The following KCNIP2 variants were observed in gnomAD, a reference collection of about 807,000 sequenced individuals.
KCNIP2 encodes the protein A-type potassium channel modulatory protein KCNIP2.
KCNIP2 carries 19 observed loss-of-function variants against 39.0 expected under a neutral mutation model. The ratio of observed to expected loss-of-function variants is 0.49; its 90% confidence interval spans 0.34 to 0.71. The LOEUF is 0.71. KCNIP2 is among the 30% of genes least tolerant of loss of function. The probability of loss-of-function intolerance (pLI) is 0.01; values close to 1 mark genes in which losing one functional copy is unlikely to be tolerated. For missense variants in KCNIP2, 261 were observed against 346.0 expected (o/e 0.75, Z 1.95); for synonymous variants, 111 against 131.2 (o/e 0.85, Z 1.05).
At chr10:101,841,378 A>C (rs2066334845) in intron 1 of KCNIP2, among the ~76,000 whole-genome samples, 2 of 152,192 alleles carry the variant, frequency 1.3e-5, no homozygotes, top group South Asian at 4.1e-4. Context: ...GGCATCTCTC[A>C]GCGCTCAGAG....
intron 1 of KCNIP2, chr10:101,839,995 C>A (rs2066278628): frequency 1.7e-6 from 1 of 589,932 alleles, no homozygotes; most frequent in East Asian, 4.0e-5. Context: ...GTTCTCCTGG[C>A]CGCACGAGAG....
intron 1 of KCNIP2, among the ~76,000 whole-genome samples, chr10:101,833,026 G>A (rs947235181): frequency 6.6e-6 from 1 of 151,990 alleles, no homozygotes; most frequent in African/African-American, 2.4e-5. Flanking sequence ...AGGATGGAGG[G>A]TGAGCTAGGA....
At chr10:101,831,260 TG>T (rs2065983197) in intron 1 of KCNIP2, 93 bp from the exon 2 acceptor site, 1 of 981,774 alleles carries the variant, frequency 1.0e-6, no homozygotes, top group Non-Finnish European at 1.5e-6. Flanking sequence ...CAACCCCATC[TG>T]GGGACCGGGC....
At chr10:101,841,257 G>C (rs2066329588) in intron 1 of KCNIP2, among the ~76,000 whole-genome samples, 1 of 152,210 alleles carries the variant, frequency 6.6e-6, no homozygotes, top group African/African-American at 2.4e-5. Flanking sequence ...GACGGGAGCT[G>C]CAGACTACCC....
chr10:101,830,573 CAACT>C, intron 2 of KCNIP2: 2 of 647,770 alleles, frequency 3.1e-6, no homozygotes, highest in South Asian at 3.8e-5. Context: ...CACCCGCTCC[CAACT>C]GACCACGCCC....
chr10:101,839,920 C>T, intron 1 of KCNIP2: 1 of 1,412,640 alleles, frequency 7.1e-7, no homozygotes, highest in Non-Finnish European at 9.4e-7. Flanking sequence ...CCGGGTAGGC[C>T]CGCGTGGGCG....
At chr10:101,839,857 C>G in intron 1 of KCNIP2, 7 of 1,586,120 alleles carry the variant, frequency 4.4e-6, no homozygotes, top group Non-Finnish European at 6.0e-6. Context: ...GCGGCGAGCT[C>G]GGCGTCTAAG....
intron 1 of KCNIP2, among the ~76,000 whole-genome samples, chr10:101,840,410 C>T (rs539439820): frequency 8.6e-5 from 13 of 151,928 alleles, no homozygotes; most frequent in Admixed American, 4.6e-4. Context: ...CAGAGTTGTG[C>T]CCCACTGCCT....
chr10:101,837,443 G>A (rs2066197284), intron 1 of KCNIP2, among the ~76,000 whole-genome samples: 1 of 152,124 alleles, frequency 6.6e-6, no homozygotes, highest in African/African-American at 2.4e-5. Flanking sequence ...GGCCGAGGCG[G>A]GTGGATCACA....
intron 1 of KCNIP2, among the ~76,000 whole-genome samples, chr10:101,839,516 C>G (rs932498520): frequency 1.3e-5 from 2 of 151,988 alleles, no homozygotes; most frequent in Non-Finnish European, 2.9e-5. Context: ...TTGTGAGGGA[C>G]CTTGATGCCC....
At chr10:101,839,791 C>A in intron 1 of KCNIP2, 1 of 1,611,492 alleles carries the variant, frequency 6.2e-7, no homozygotes, top group South Asian at 1.1e-5. Flanking sequence ...GTAGAGGGAT[C>A]GCGCTGCCTG....
chr10:101,829,290 C>G, intron 3 of KCNIP2, 91 bp from the exon 4 acceptor site: 1 of 1,429,232 alleles, frequency 7.0e-7, no homozygotes, highest in East Asian at 2.5e-5. Context: ...CCCCGCCCCC[C>G]GGTCCCATCC....
intron 1 of KCNIP2, chr10:101,834,383 C>A: frequency 2.5e-6 from 1 of 399,302 alleles, no homozygotes; most frequent in Admixed American, 4.4e-5. Flanking sequence ...GGGCCTGGGG[C>A]ATGGCCCCTA....
At position 101,828,335 on chromosome 10, in the gene KCNIP2, C is replaced by T. The variant is rs1040408261; in HGVS notation, c.489+54G>A. The T allele has an allele frequency of 1.2e-5, 20 of 1,612,316 alleles. No individual in the cohort carries two copies. In the African/African-American group the frequency reaches 1.7e-4, roughly 14 times the overall value. ...CCTTCTCTGGGTTTGGCCTGGAGATCCTGGCCCTGAACTCCAGGAAACAGG... is the reference window on the plus strand; with the variant it reads ...CCTTCTCTGGGTTTGGCCTGGAGATTCTGGCCCTGAACTCCAGGAAACAGG... On this transcript the variant is annotated intron_variant, in intron 6 of 9. Transcript: ENST00000356640. This position sits in a 1 kb window ranked among gnomAD's most constrained non-coding sequence, Gnocchi z 6.6.
chr10:101,828,145 C>T lies in KCNIP2; in HGVS notation c.597+6G>A, dbSNP rs780634461. On this transcript the variant is annotated splice_donor_region_variant and intron_variant, in intron 7 of 9. Coordinates refer to ENST00000356640, the MANE Select transcript of KCNIP2 (RefSeq NM_173191.3). The surrounding 1 kb of genome is among the most constrained non-coding windows in gnomAD (Gnocchi z 6.6). ...ACAGACCCCCAGCCCTTCAGTTGCC[C>T]TGCACCTCCTTGGTGATGCAGCCGT... The T allele has an allele frequency of 6.8e-6, 11 of 1,613,194 alleles. No homozygotes were observed. The highest frequency in any genetic ancestry group is 8.5e-6 in the Non-Finnish European group (10 of 1,179,296).
Position 101,828,715 on chromosome 10 carries a change from AG to A in KCNIP2, c.349-20del. 6.2e-7 allele frequency: 1 copy of A among 1,614,206 alleles called. No homozygotes were observed. The highest frequency in any genetic ancestry group is 8.5e-7 in the Non-Finnish European group (1 of 1,180,032). On this transcript the variant is annotated intron_variant, in intron 4 of 9. Transcript: ENST00000356640. The surrounding 1 kb of genome is among the most constrained non-coding windows in gnomAD (Gnocchi z 6.6). ...GACATTCCTGGAAGGAGAGGGCACCAGGCTGAGGGCAGAGACAAAATCCCCT... is the reference window on the plus strand; with the variant it reads ...GACATTCCTGGAAGGAGAGGGCACCAGCTGAGGGCAGAGACAAAATCCCCT...
chr10:101,837,339 G>A (rs1314395267), intron 1 of KCNIP2, among the ~76,000 whole-genome samples: 1 of 152,122 alleles, frequency 6.6e-6, no homozygotes, highest in African/African-American at 2.4e-5. Context: ...GGAAAAAAGA[G>A]TGATTTTTTT....
intron 3 of KCNIP2, chr10:101,829,505 A>T (rs1391852884): frequency 2.1e-6 from 1 of 467,498 alleles, no homozygotes; most frequent in African/African-American, 2.0e-5. Flanking sequence ...TCGTTTTAGA[A>T]AGGGAGGAGT....
intron 2 of KCNIP2, among the ~76,000 whole-genome samples, 192 bp downstream of exon 2, chr10:101,830,878 GCA>G (rs2065965822): frequency 7.0e-6 from 1 of 142,056 alleles, no homozygotes; most frequent in Admixed American, 6.9e-5. Context: ...GCGCGCACAT[GCA>G]CACACATACA....
Sources: allele counts gnomAD v4.1 joint callset (sites outside exome capture counted in the v4.1 genomes callset), GRCh38; gene constraint gnomAD v4.1.1; non-coding constraint Gnocchi (gnomAD v3.1); transcripts MANE v1.5; gene names NCBI Gene and HGNC (gene_info 2026-07-23, HGNC 2026-07-21).